FAM228A: variants seen among roughly 807,000 people sequenced by gnomAD.
FAM228A encodes the protein protein FAM228A.
A neutral mutation model predicts 18.6 loss-of-function variants in FAM228A; 13 were observed. The observed-to-expected ratio is 0.70, with a 90% confidence interval of 0.45 to 1.11. The LOEUF is 1.11. Ranked by LOEUF, FAM228A falls within the 50% of genes least tolerant of loss-of-function variation. The probability of loss-of-function intolerance (pLI) is 0.00; values close to 1 mark genes in which losing one functional copy is unlikely to be tolerated. For synonymous variants in FAM228A, 77 were observed against 86.6 expected (o/e 0.89, Z 0.61); for missense variants, 240 against 242.2 (o/e 0.99, Z 0.06).
intron 2 of FAM228A, among the ~76,000 whole-genome samples, chr2:24,177,245 G>A (rs1158456904): frequency 1.3e-5 from 2 of 152,182 alleles, no homozygotes; most frequent in Admixed American, 1.3e-4. Flanking sequence ...TTCGAGAGCA[G>A]CCTGGCCAAC....
intron 5 of FAM228A, among the ~76,000 whole-genome samples, chr2:24,184,039 G>A (rs959531352): frequency 3.9e-5 from 6 of 152,068 alleles, no homozygotes; most frequent in Non-Finnish European, 5.9e-5. Context: ...GAACCTGAAA[G>A]CATTTATTCT....
At chr2:24,185,011 T>C (rs1314422048) in intron 5 of FAM228A, among the ~76,000 whole-genome samples, 1 of 152,068 alleles carries the variant, frequency 6.6e-6, no homozygotes, top group Non-Finnish European at 1.5e-5. Context: ...TTAGTAGAGA[T>C]GGCGTTTCAC....
In FAM228A at chr2:24,183,559, C is replaced by G; in HGVS notation, c.315C>G (p.Pro105=). The change falls in exon 5 of 6, where the codon CCC becomes CCG. Residue 105 remains proline (P), a synonymous_variant. Coordinates refer to ENST00000295150, the MANE Select transcript of FAM228A (RefSeq NM_001040710.3). ...AGGCCAGGCTGCATGCCAGCTCGCC[C>G]TACTTCACTTTCACTTCACACTGTG... ...IEKARLHASS[P]YFTFTSHCVI... is the part of the protein sequence containing the mutation. 1.2e-6 allele frequency: 2 copies of G among 1,614,070 alleles called. No individual in the cohort carries two copies. The highest frequency in any genetic ancestry group is 1.3e-5 in the African/African-American group (1 of 75,056).
chr2:24,188,196 T>A (rs1197922438), intron 5 of FAM228A, among the ~76,000 whole-genome samples: 1 of 152,250 alleles, frequency 6.6e-6, no homozygotes, highest in African/African-American at 2.4e-5. Context: ...TGTTTGTTGT[T>A]AAACCCATCC....
chr2:24,177,207 A>AT (rs1667712584), intron 2 of FAM228A, among the ~76,000 whole-genome samples: 2 of 152,204 alleles, frequency 1.3e-5, no homozygotes, highest in African/African-American at 4.8e-5. Flanking sequence ...TGGGAGGCCA[A>AT]GGTGGGTGGA....
chr2:24,175,663 A>G, intron 2 of FAM228A, 90 bp downstream of exon 2: 3 of 1,019,630 alleles, frequency 2.9e-6, no homozygotes, highest in Non-Finnish European at 4.5e-6. Flanking sequence ...TTCTGTTCTC[A>G]GGATTGTGAC....
intron 5 of FAM228A, among the ~76,000 whole-genome samples, chr2:24,187,533 A>C (rs1667978790): frequency 6.6e-6 from 1 of 152,218 alleles, no homozygotes; most frequent in African/African-American, 2.4e-5. Flanking sequence ...ATTCTGTTCC[A>C]GTGTCACACA....
At chr2:24,189,395 C>T (rs1668030110) in intron 5 of FAM228A, among the ~76,000 whole-genome samples, 1 of 152,242 alleles carries the variant, frequency 6.6e-6, no homozygotes, top group Non-Finnish European at 1.5e-5. Context: ...ACTCCCTGAC[C>T]TGCCAGGCTG....
At chr2:24,175,776 A>C in intron 2 of FAM228A, 2 of 798,318 alleles carry the variant, frequency 2.5e-6, no homozygotes, top group Non-Finnish European at 3.7e-6. Flanking sequence ...GGGCTGGCGC[A>C]CCGACGGGGG....
In FAM228A at chr2:24,177,835, T is replaced by C. The variant is rs1667727245; in HGVS notation, c.127T>C (p.Cys43Arg). 2 of 1,602,140 alleles carry C rather than the reference T, an allele frequency of 1.2e-6. No individual in the cohort carries two copies. The highest frequency in any genetic ancestry group is 1.7e-5 in the Admixed American group (1 of 59,494). Reference protein sequence around the residue: ...LAREDIDEAVCAILFKENSIV... With the variant: ...LAREDIDEAVRAILFKENSIV... ...TAGAGAAGACATTGATGAAGCAGTA[T>C]GTGCAATATTATTTAAAGAAAATTC... The change falls in exon 3 of 6, where the codon TGT becomes CGT. Residue 43 changes from cysteine to arginine, a missense_variant. Coordinates refer to ENST00000295150, the MANE Select transcript of FAM228A (RefSeq NM_001040710.3).
chr2:24,191,084 A>G lies in FAM228A; in HGVS notation c.*453A>G, dbSNP rs541627016. 75 of 986,366 alleles carry G rather than the reference A, an allele frequency of 7.6e-5. No homozygotes were observed. Among genetic ancestry groups the G allele is most frequent in the Non-Finnish European group, 8.9e-5 (74 of 830,618 alleles). 61.1% of individuals were successfully genotyped at this position (986,366 alleles called of 1,614,324 possible). A position where few individuals can be genotyped will look rare whatever the true frequency, so the allele number is the denominator to read the frequency against. On this transcript the variant is annotated 3_prime_UTR_variant, in exon 6 of 6. Coordinates refer to ENST00000295150, the MANE Select transcript of FAM228A (RefSeq NM_001040710.3). ...TGAGATTTTTTGATATTTAAAAGGT[A>G]TTTTTATATGTAGGAATTTTCTGAG... is the stretch of plus-strand genomic sequence containing the variant.
intron 3 of FAM228A, among the ~76,000 whole-genome samples, chr2:24,178,187 C>T (rs1253815305): frequency 6.6e-6 from 1 of 152,142 alleles, no homozygotes; most frequent in Admixed American, 6.5e-5. Context: ...CTCATATGTT[C>T]CCACATTGCA....
intron 5 of FAM228A, among the ~76,000 whole-genome samples, chr2:24,184,982 C>A (rs1667909790): frequency 6.6e-6 from 1 of 151,992 alleles, no homozygotes; most frequent in African/African-American, 2.4e-5. Context: ...GCCACCACAC[C>A]CAGCTGATTT....
At chr2:24,187,075 C>G (rs965378101) in intron 5 of FAM228A, among the ~76,000 whole-genome samples, 2 of 152,196 alleles carry the variant, frequency 1.3e-5, no homozygotes, top group Non-Finnish European at 2.9e-5. Flanking sequence ...GCCTTTCTCT[C>G]TCTCTCTCAC....
intron 3 of FAM228A, 61 bp from the exon 4 acceptor site, chr2:24,183,224 C>T (rs896252241): frequency 1.7e-5 from 20 of 1,193,158 alleles, no homozygotes; most frequent in Non-Finnish European, 2.4e-5. Context: ...ATGTGGGACA[C>T]ATTTTAAAAG....
chr2:24,177,846 A>G lies in FAM228A; in HGVS notation c.138A>G (p.Leu46=). 1 of 1,603,628 alleles carries G rather than the reference A, an allele frequency of 6.2e-7. No individual in the cohort carries two copies. The highest frequency in any genetic ancestry group is 1.7e-4 in the Middle Eastern group (1 of 6,042). ...EDIDEAVCAI[L]FKENSIVKVT... ...TTGATGAAGCAGTATGTGCAATATT[A>G]TTTAAAGAAAATTCCATTGTGAAGG... The change falls in exon 3 of 6, where the codon TTA becomes TTG. Residue 46 remains leucine, a synonymous_variant. Transcript: ENST00000295150.
rs755652116 is a variant in FAM228A, at chr2:24,183,601, G to A, written c.357G>A (p.Trp119Ter). Residue 119 changes from tryptophan (W) to a stop codon, truncating the protein, a stop_gained, in exon 5 of 6, where the codon TGG (tryptophan) becomes TGA (stop). Coordinates refer to ENST00000295150, the MANE Select transcript of FAM228A (RefSeq NM_001040710.3). LOFTEE classifies it low-confidence loss of function (END_TRUNC). ...FTSHCVIPKE[W>*]HKASARARSK... ...CACACTGTGTGATTCCAAAAGAGTG[G>A]CATAAAGCCTCTGCAAGAGCCAGGA... The A allele has an allele frequency of 1.2e-6, 2 of 1,613,008 alleles. No homozygotes were observed. The highest frequency in any genetic ancestry group is 1.1e-5 in the South Asian group (1 of 90,780).
intron 5 of FAM228A, among the ~76,000 whole-genome samples, chr2:24,186,681 C>T (rs1037267522): frequency 1.3e-5 from 2 of 151,960 alleles, no homozygotes; most frequent in South Asian, 4.2e-4. Flanking sequence ...CTCTGTTACC[C>T]AGGCTGGAGT....
intron 2 of FAM228A, among the ~76,000 whole-genome samples, chr2:24,176,867 T>C (rs530185515): frequency 6.6e-5 from 10 of 152,354 alleles, no homozygotes; most frequent in Middle Eastern, 3.4e-3. Context: ...CATTGCCTTT[T>C]CATTTGTTCA....
Sources: gnomAD v4.1 joint callset for allele counts (sites outside exome capture counted in the v4.1 genomes callset) on GRCh38, gnomAD v4.1.1 for gene constraint, MANE v1.5 for transcripts, NCBI Gene and HGNC (gene_info 2026-07-23, HGNC 2026-07-21) for gene names.